ATPSCKMT: variants seen among roughly 807,000 people sequenced by gnomAD.
ATPSCKMT encodes ATP synthase subunit C lysine N-methyltransferase.
ATPSCKMT carries 24 observed loss-of-function variants against 24.3 expected under a neutral mutation model. The ratio of observed to expected loss-of-function variants is 0.99; its 90% CI spans 0.71 to 1.39. The LOEUF is 1.39. Ranked by LOEUF, ATPSCKMT falls within the 40% of genes most tolerant of loss-of-function variation. The probability of loss-of-function intolerance (pLI) is 0.00; values close to 1 mark genes in which losing one functional copy is unlikely to be tolerated. For synonymous variants in ATPSCKMT, 95 were observed against 110.5 expected (o/e 0.86, Z 0.88); for missense variants, 311 against 298.4 (o/e 1.04, Z -0.31).
At chr5:10,235,532 C>T (rs540247821) in intron 3 of ATPSCKMT, among the ~76,000 whole-genome samples, 2 of 152,336 alleles carry the variant, frequency 1.3e-5, no homozygotes, top group African/African-American at 4.8e-5. Context: ...ATCCAGGGCA[C>T]GCCCCAGTGG....
At chr5:10,230,141 A>T (rs373220595) in intron 4 of ATPSCKMT, among the ~76,000 whole-genome samples, 1 of 151,744 alleles carries the variant, frequency 6.6e-6, no homozygotes. Flanking sequence ...GCTCAGAAAA[A>T]CTTCTACATG....
chr5:10,241,989 T>C (rs1327960841), intron 1 of ATPSCKMT, among the ~76,000 whole-genome samples: 1 of 152,218 alleles, frequency 6.6e-6, no homozygotes, highest in Non-Finnish European at 1.5e-5. Context: ...AAAAAAGAGT[T>C]TATTGCTAAG....
chr5:10,233,788 T>G (rs2126432785), intron 4 of ATPSCKMT, among the ~76,000 whole-genome samples: 1 of 152,304 alleles, frequency 6.6e-6, no homozygotes, highest in South Asian at 2.1e-4. Context: ...CAGATTCAAA[T>G]TAAAGTTACT....
chr5:10,226,410 T>C lies in ATPSCKMT; in HGVS notation c.*1031A>G, dbSNP rs754249008. On this transcript the variant is annotated 3_prime_UTR_variant, in exon 5 of 5. Transcript: ENST00000511437. ...CATTAAGACAGTTTGGTATTTCAGT[T>C]ACAGGTGTATGACTGGGAGTTCAAT... The C allele has an allele frequency of 6.6e-6, 1 of 152,240 alleles. No homozygotes were observed. The highest frequency in any genetic ancestry group is 1.5e-5 in the Non-Finnish European group (1 of 68,034). 9.4% of individuals were successfully genotyped at this position (152,240 alleles called of 1,614,324 possible). A position where few individuals can be genotyped will look rare whatever the true frequency, so the allele number is the denominator to read the frequency against.
intron 2 of ATPSCKMT, 85 bp downstream of exon 2, chr5:10,238,982 T>C: frequency 6.8e-7 from 1 of 1,472,794 alleles, no homozygotes; most frequent in Non-Finnish European, 9.1e-7. Context: ...CAGATTTAGT[T>C]AAGTCTTTGT....
chr5:10,226,946 A>C lies in ATPSCKMT; in HGVS notation c.*495T>G, dbSNP rs1480593507. On this transcript the variant is annotated 3_prime_UTR_variant, in exon 5 of 5. Coordinates refer to ENST00000511437, the MANE Select transcript of ATPSCKMT (RefSeq NM_199133.4). ...CAGTAATCTAGTGGTGGAACAAATT[A>C]TTTCTAATAAATGTTATAAAATATA... 1 of 158,922 alleles carries C rather than the reference A, an allele frequency of 6.3e-6. No individual in the cohort carries two copies. Among genetic ancestry groups the C allele is most frequent in the Non-Finnish European group, 1.4e-5 (1 of 72,042 alleles). The allele number at this position is 158,922 out of a possible 1,614,324, so 9.8% of individuals were successfully genotyped here.
intron 1 of ATPSCKMT, among the ~76,000 whole-genome samples, chr5:10,243,468 C>T (rs1394058802): frequency 6.7e-6 from 1 of 150,108 alleles, no homozygotes; most frequent in East Asian, 2.1e-4. Flanking sequence ...CAGAGCGAGA[C>T]TCCGTCTCAA....
intron 4 of ATPSCKMT, among the ~76,000 whole-genome samples, chr5:10,230,478 T>C (rs556171390): frequency 6.6e-6 from 1 of 152,290 alleles, no homozygotes; most frequent in Admixed American, 6.5e-5. Flanking sequence ...AAGATAAACC[T>C]AAAAATGAAA....
chr5:10,231,046 C>G (rs567367349), intron 4 of ATPSCKMT, among the ~76,000 whole-genome samples: 1 of 152,144 alleles, frequency 6.6e-6, no homozygotes, highest in African/African-American at 2.4e-5. Flanking sequence ...ACTTCACATG[C>G]CCATGCTGAC....
In ATPSCKMT at chr5:10,227,449, G is replaced by C. The variant is rs746252740; in HGVS notation, c.694C>G (p.Gln232Glu). 1.2e-6 allele frequency: 2 copies of C among 1,614,044 alleles called. No individual in the cohort carries two copies. Among genetic ancestry groups the C allele is most frequent in the Non-Finnish European group, 1.7e-6 (2 of 1,180,026 alleles). Residue 232 changes from glutamine to glutamate, a missense_variant, in exon 5 of 5, where the codon CAA becomes GAA. By Grantham distance (29) the Gln-to-Glu change is conservative. Coordinates refer to ENST00000511437, the MANE Select transcript of ATPSCKMT (RefSeq NM_199133.4). ...AACACTCCCAGTCAAGTTTATGCTT[G>C]AATGGGCAGCTGGAAATGCATCGAT... is the stretch of plus-strand genomic sequence containing the variant. ...CTSMHFQLPI[Q>E]A
At chr5:10,240,678 G>T (rs1009557238) in intron 1 of ATPSCKMT, among the ~76,000 whole-genome samples, 4 of 152,096 alleles carry the variant, frequency 2.6e-5, no homozygotes, top group African/African-American at 9.7e-5. Flanking sequence ...GTAAGAAATT[G>T]TCACAAAATT....
intron 4 of ATPSCKMT, among the ~76,000 whole-genome samples, chr5:10,230,097 G>A (rs183232091): frequency 6.6e-6 from 1 of 151,526 alleles, no homozygotes; most frequent in East Asian, 2.0e-4. Context: ...CTTCTATGAT[G>A]GTTTTATTCC....
At chr5:10,240,680 CA>C (rs903971079) in intron 1 of ATPSCKMT, among the ~76,000 whole-genome samples, 4 of 152,082 alleles carry the variant, frequency 2.6e-5, no homozygotes, top group African/African-American at 9.7e-5. Context: ...AAGAAATTGT[CA>C]CAAAATTAGT....
intron 2 of ATPSCKMT, among the ~76,000 whole-genome samples, chr5:10,237,799 T>G (rs1482073887): frequency 6.6e-6 from 1 of 151,960 alleles, no homozygotes; most frequent in Non-Finnish European, 1.5e-5. Flanking sequence ...CAGGCTGGAG[T>G]GCAGTGGCGT....
In ATPSCKMT at chr5:10,232,701, G is replaced by A. The variant is rs377462755; in HGVS notation, c.495+2510C>T. On this transcript the variant is annotated intron_variant, in intron 4 of 4. Transcript: ENST00000511437. ...GAAGAGCAGCAATGGCGAGGTCCAGGGGGCCGAGAGAAGGACGGAGGGCTG... is the reference window on the plus strand; with the variant it reads ...GAAGAGCAGCAATGGCGAGGTCCAGAGGGCCGAGAGAAGGACGGAGGGCTG... Among the ~76,000 whole-genome samples the A allele has an allele frequency of 1.2e-4, 19 of 152,354 alleles. No homozygotes were observed. In the East Asian group the frequency reaches 3.3e-3, roughly 26 times the overall value.
intron 4 of ATPSCKMT, among the ~76,000 whole-genome samples, chr5:10,230,580 G>A (rs564317718): frequency 5.3e-5 from 8 of 152,282 alleles, no homozygotes; most frequent in South Asian, 2.1e-4. Flanking sequence ...AAGAGAAGCC[G>A]TGATGTGTCA....
In ATPSCKMT at chr5:10,239,318, T is replaced by C; in HGVS notation, c.55A>G (p.Arg19Gly). The stretch of plus-strand genomic sequence containing the variant: ...TCAAAACTTGCAGGTAGAACATGTC[T>C]TGACTGACTTTCTTCTTTAAGTGTT... Reference protein sequence around the residue: ...LETLKEESQSRHVLPASFEVN... With the variant: ...LETLKEESQSGHVLPASFEVN... The change falls in exon 2 of 5, where the codon AGA becomes GGA. Residue 19 changes from arginine to glycine, a missense_variant. Coordinates refer to ENST00000511437, the MANE Select transcript of ATPSCKMT (RefSeq NM_199133.4). 6.2e-7 allele frequency: 1 copy of C among 1,614,150 alleles called. No homozygotes were observed. Among genetic ancestry groups the C allele is most frequent in the Non-Finnish European group, 8.5e-7 (1 of 1,180,022 alleles).
intron 4 of ATPSCKMT, among the ~76,000 whole-genome samples, chr5:10,229,095 G>A (rs1744011708): frequency 6.6e-6 from 1 of 151,964 alleles, no homozygotes; most frequent in Non-Finnish European, 1.5e-5. Context: ...CATAATCCCA[G>A]CACAGTTATA....
intron 4 of ATPSCKMT, among the ~76,000 whole-genome samples, chr5:10,229,087 T>C (rs1001438547): frequency 6.6e-6 from 1 of 152,234 alleles, no homozygotes; most frequent in African/African-American, 2.4e-5. Flanking sequence ...TTTTCATACA[T>C]AATCCCAGCA....
Sources: gnomAD v4.1 joint callset for allele counts (sites outside exome capture counted in the v4.1 genomes callset) on GRCh38, gnomAD v4.1.1 for gene constraint, MANE v1.5 for transcripts, NCBI Gene and HGNC (gene_info 2026-07-23, HGNC 2026-07-21) for gene names.